The following CPSF2 variants were observed in gnomAD, a reference collection of about 807,000 sequenced individuals.
CPSF2 encodes cleavage and polyadenylation specificity factor subunit 2.
CPSF2 carries 51 observed loss-of-function variants against 84.2 expected under a neutral mutation model. The ratio of observed to expected loss-of-function variants is 0.61; its 90% CI spans 0.48 to 0.77. The LOEUF (loss-of-function observed/expected upper bound fraction) is 0.77. CPSF2 is among the 30% of genes least tolerant of loss of function. The pLI is 0.00. For synonymous variants in CPSF2, 286 were observed against 311.9 expected, an observed-to-expected ratio of 0.92 and a Z score of 0.87; for missense variants, 641 against 929.4, an observed-to-expected ratio of 0.69 and a Z score of 4.03.
rs750611851 is a variant in CPSF2, at chr14:92,143,082, T to G, written c.928T>G (p.Leu310Val). Residue 310 changes from leucine (L) to valine (V), a missense_variant, in exon 9 of 16, where the codon TTA becomes GTA. Leu to Val is a conservative substitution (Grantham distance 32). Transcript: ENST00000298875. ...NNPFQFRHLS[L>V]CHGLSDLARV... ...TCCGTTTCAGTTTCGCCATCTCTCT[T>G]TATGTCATGGTCTTTCTGACTTGGC... 2 of 1,614,094 alleles carry G rather than the reference T, an allele frequency of 1.2e-6. No individual in the cohort carries two copies.
chr14:92,150,900 A>G (rs556286832), intron 9 of CPSF2, among the ~76,000 whole-genome samples: 1 of 152,334 alleles, frequency 6.6e-6, no homozygotes, highest in South Asian at 2.1e-4. Context: ...GAATTTTGGA[A>G]AACTTATACC....
At position 92,157,753 on chromosome 14, in the gene CPSF2, G is replaced by A. The variant is rs371656822; in HGVS notation, c.1690G>A (p.Val564Ile). ...GATGAAACCACGACAGTTGATCATC[G>A]TCCATGGCCCACCAGAGGCCAGTCA... ...NQMKPRQLII[V>I]HGPPEASQDL... is the part of the protein sequence containing the mutation. Residue 564 changes from valine to isoleucine, a missense_variant, in exon 13 of 16, where the codon GTC becomes ATC. By Grantham distance (29) the Val-to-Ile change is conservative. Coordinates refer to ENST00000298875, the MANE Select transcript of CPSF2 (RefSeq NM_017437.3). This position sits in a 1 kb window ranked among gnomAD's most constrained non-coding sequence, Gnocchi z 4.0. 15 of 1,613,976 alleles carry A rather than the reference G, an allele frequency of 9.3e-6. No individual in the cohort carries two copies. Among genetic ancestry groups the A allele is most frequent in the Admixed American group, 3.3e-5 (2 of 60,014 alleles).
At position 92,157,327 on chromosome 14, in the gene CPSF2, G is replaced by A. The variant is rs1361961567; in HGVS notation, c.1596-332G>A. ...GTTTGAGACCAGCCTGGCCAACATG[G>A]TGAAATCTCATCTCTACTGAAAATG... On this transcript the variant is annotated intron_variant, in intron 12 of 15. Transcript: ENST00000298875. This position sits in a 1 kb window ranked among gnomAD's most constrained non-coding sequence, Gnocchi z 4.0. Among the ~76,000 whole-genome samples, 1 of 152,088 alleles carries A rather than the reference G, an allele frequency of 6.6e-6. No homozygotes were observed. Among genetic ancestry groups the A allele is most frequent in the Non-Finnish European group, 1.5e-5 (1 of 68,014 alleles).
At chr14:92,160,056 G>A (rs2069351319) in intron 14 of CPSF2, among the ~76,000 whole-genome samples, 3 of 151,902 alleles carry the variant, frequency 2.0e-5, no homozygotes, top group South Asian at 2.1e-4. Flanking sequence ...TCCGCCTCCC[G>A]GGTTCAAGCG....
Position 92,142,307 on chromosome 14 carries a change from C to G in CPSF2, c.805C>G (p.Leu269Val), listed in dbSNP as rs766754680. 6.2e-7 allele frequency: 1 copy of G among 1,613,718 alleles called. No individual in the cohort carries two copies. The highest frequency in any genetic ancestry group is 1.7e-5 in the Admixed American group (1 of 59,962). Residue 269 changes from leucine (L) to valine (V), a missense_variant, in exon 8 of 16, where the codon CTA becomes GTA. Leu to Val is a conservative substitution (Grantham distance 32, BLOSUM62 1). Coordinates refer to ENST00000298875, the MANE Select transcript of CPSF2 (RefSeq NM_017437.3). ...AGLGVYSLAL[L>V]NNVSYNVVEF... ...ATTGGGTGTTTACTCATTGGCACTCCTAAATAATGTCAGTTACAATGTGGT... is the reference window on the plus strand; with the variant it reads ...ATTGGGTGTTTACTCATTGGCACTCGTAAATAATGTCAGTTACAATGTGGT...
chr14:92,138,156 A>AT (rs1226429040), intron 6 of CPSF2, 76 bp from the exon 7 acceptor site: 7 of 660,814 alleles, frequency 1.1e-5, no homozygotes, highest in African/African-American at 9.6e-5. Flanking sequence ...GAAGCTGCTT[A>AT]TTTTTTAAGT....
intron 11 of CPSF2, among the ~76,000 whole-genome samples, chr14:92,155,694 C>A (rs1466659076): frequency 6.6e-6 from 1 of 151,198 alleles, no homozygotes; most frequent in East Asian, 1.9e-4. Context: ...TTTGGGAGGC[C>A]GAGATGGGAG....
Position 92,134,153 on chromosome 14 carries a change from A to G in CPSF2, c.292A>G (p.Met98Val), listed in dbSNP as rs748515128. Residue 98 changes from methionine (M) to valine (V), a missense_variant, in exon 4 of 16, where the codon ATG becomes GTG. Physicochemically the swap from Met to Val is conservative, Grantham distance 21. This residue lies in a region of CPSF2 where 211 missense variants were observed against 375.7 expected (regional missense o/e 0.56). Transcript: ENST00000298875. ...TGTTTATAAAATGGGACAGATGTTC[A>G]TGTATGATCTTTATCAGGTAATTTA... Reference protein sequence around the residue: ...IPVYKMGQMFMYDLYQSRHNT... With the variant: ...IPVYKMGQMFVYDLYQSRHNT... 1 of 1,614,156 alleles carries G rather than the reference A, an allele frequency of 6.2e-7. No individual in the cohort carries two copies. Among genetic ancestry groups the G allele is most frequent in the Non-Finnish European group, 8.5e-7 (1 of 1,180,018 alleles).
chr14:92,139,116 ATACTC>A (rs1453117566), intron 7 of CPSF2, among the ~76,000 whole-genome samples: 2 of 152,134 alleles, frequency 1.3e-5, no homozygotes, highest in Admixed American at 6.5e-5. Context: ...TTAGAAAAAT[ATACTC>A]TAAAAGAAAA....
At chr14:92,146,081 G>T (rs2069140475) in intron 9 of CPSF2, among the ~76,000 whole-genome samples, 1 of 152,162 alleles carries the variant, frequency 6.6e-6, no homozygotes, top group African/African-American at 2.4e-5. Context: ...ATCGTAATAT[G>T]TACCAAAACC....
intron 2 of CPSF2, among the ~76,000 whole-genome samples, chr14:92,129,278 G>A (rs985411036): frequency 6.6e-6 from 1 of 152,194 alleles, no homozygotes; most frequent in South Asian, 2.1e-4. Flanking sequence ...TGCAGTTACA[G>A]GTGAGTATGA....
At chr14:92,127,777 C>T (rs975601953) in intron 2 of CPSF2, among the ~76,000 whole-genome samples, 2 of 152,132 alleles carry the variant, frequency 1.3e-5, no homozygotes, top group African/African-American at 4.8e-5. Flanking sequence ...AGGGATTGGC[C>T]TTGGATGGGA....
chr14:92,151,484 A>G (rs909025522), intron 9 of CPSF2, among the ~76,000 whole-genome samples: 11 of 152,100 alleles, frequency 7.2e-5, no homozygotes, highest in African/African-American at 1.4e-4. Context: ...GTCTATTAGT[A>G]TGGTTTCAGG....
intron 3 of CPSF2, among the ~76,000 whole-genome samples, chr14:92,132,326 G>C (rs983962844): frequency 2.0e-5 from 3 of 151,624 alleles, no homozygotes; most frequent in South Asian, 2.1e-4. Context: ...GTAGAAACAG[G>C]GTTTCACCAT....
In CPSF2 at chr14:92,167,378, G is replaced by A. The variant is rs911680635; in HGVS notation, c.*5634G>A. The A allele has an allele frequency of 6.6e-6, 1 of 152,148 alleles. No homozygotes were observed. 9.4% of individuals were successfully genotyped at this position (152,148 alleles called of 1,614,324 possible). A position where few individuals can be genotyped will look rare whatever the true frequency, so the allele number is the denominator to read the frequency against. Reference sequence around the variant, plus strand: ...TTTTAATAGGAGGTAAAAAGCAGTTGACATTTATAACTTAGAGTCTTTTAA... The same window carrying A: ...TTTTAATAGGAGGTAAAAAGCAGTTAACATTTATAACTTAGAGTCTTTTAA... On this transcript the variant is annotated 3_prime_UTR_variant, in exon 16 of 16. Coordinates refer to ENST00000298875, the MANE Select transcript of CPSF2 (RefSeq NM_017437.3).
At chr14:92,161,352 G>A in intron 15 of CPSF2, 106 bp downstream of exon 15, 1 of 1,316,450 alleles carries the variant, frequency 7.6e-7, no homozygotes, top group Non-Finnish European at 1.0e-6. Flanking sequence ...CTGAAGATCA[G>A]TAATTTATAT....
chr14:92,152,692 A>G (rs1341500122), intron 9 of CPSF2, among the ~76,000 whole-genome samples: 1 of 151,698 alleles, frequency 6.6e-6, no homozygotes, highest in Non-Finnish European at 1.5e-5. Context: ...GCCTGCCTCG[A>G]CCTCCCAAAG....
rs1316169954 is a variant in CPSF2, at chr14:92,167,022, T to C, written c.*5278T>C. The C allele has an allele frequency of 6.6e-6, 1 of 150,492 alleles. No individual in the cohort carries two copies. The highest frequency in any genetic ancestry group is 1.5e-5 in the Non-Finnish European group (1 of 67,626). 9.3% of individuals were successfully genotyped at this position (150,492 alleles called of 1,614,324 possible). A position where few individuals can be genotyped will look rare whatever the true frequency, so the allele number is the denominator to read the frequency against. ...ATCGATTTCTTTTTTTTCTTTTTTTTTTTTTTTGAGATAGCATCTTGCTTT... is the reference window on the plus strand; with the variant it reads ...ATCGATTTCTTTTTTTTCTTTTTTTCTTTTTTTGAGATAGCATCTTGCTTT... On this transcript the variant is annotated 3_prime_UTR_variant, in exon 16 of 16. Coordinates refer to ENST00000298875, the MANE Select transcript of CPSF2 (RefSeq NM_017437.3).
At chr14:92,137,334 C>G (rs1418396067) in intron 6 of CPSF2, among the ~76,000 whole-genome samples, 1 of 152,046 alleles carries the variant, frequency 6.6e-6, no homozygotes. Context: ...TTTAGCCTCC[C>G]AAGTAGCTAG....
Sources: allele counts gnomAD v4.1 joint callset (sites outside exome capture counted in the v4.1 genomes callset), GRCh38; gene constraint gnomAD v4.1.1; regional missense constraint gnomAD v4.1.1; non-coding constraint Gnocchi (gnomAD v3.1); transcripts MANE v1.5; gene names NCBI Gene and HGNC (gene_info 2026-07-23, HGNC 2026-07-21).